Variants in PHF20 observed in about 807,000 individuals in gnomAD.
PHF20 encodes the protein glioma-expressed antigen 2.
PHF20 carries 23 observed loss-of-function variants against 113.5 expected under a neutral mutation model. The ratio of observed to expected loss-of-function variants is 0.20; its 90% CI spans 0.15 to 0.29. The LOEUF (loss-of-function observed/expected upper bound fraction) is 0.29, where lower values mean the gene tolerates loss of function less well. Among genes scored for constraint, PHF20 ranks in the 10% least tolerant of loss-of-function variants. The pLI is 1.00. For missense variants in PHF20, 943 were observed against 1,219.6 expected, an observed-to-expected ratio of 0.77 and a Z score of 3.38; for synonymous variants, 434 against 457.3, an observed-to-expected ratio of 0.95 and a Z score of 0.65.
intron 4 of PHF20, chr20:35,850,715 G>T: frequency 2.4e-6 from 1 of 424,844 alleles, no homozygotes; most frequent in Non-Finnish European, 4.4e-6. Flanking sequence ...TGCCAACAGG[G>T]GATGGGTTCC....
chr20:35,831,127 C>CCCTCCCTCCCTCTCTT (rs1568623838), intron 2 of PHF20, among the ~76,000 whole-genome samples: 1 of 151,150 alleles, frequency 6.6e-6, no homozygotes, highest in Non-Finnish European at 1.5e-5. Context: ...TTTCTTCCTT[C>CCCTCCCTCCCTCTCTT]CCTCCCTCCC....
At chr20:35,853,640 C>T (rs541591055) in intron 4 of PHF20, among the ~76,000 whole-genome samples, 1 of 152,248 alleles carries the variant, frequency 6.6e-6, no homozygotes, top group African/African-American at 2.4e-5. Flanking sequence ...TGCCTGTAGT[C>T]CCAGCCACTT....
At chr20:35,902,021 G>A (rs1057466701) in intron 10 of PHF20, among the ~76,000 whole-genome samples, 8 of 152,084 alleles carry the variant, frequency 5.3e-5, no homozygotes, top group African/African-American at 1.9e-4. Context: ...CCTGTTTCAA[G>A]GCCTGGTGTG....
chr20:35,786,499 C>T (rs6142444), intron 1 of PHF20, among the ~76,000 whole-genome samples: 112,801 of 152,054 alleles, frequency 0.74, 42,667 homozygotes, highest in East Asian at 0.82. Flanking sequence ...GCCAGGAGAT[C>T]GAGACTATGC....
At chr20:35,891,063 A>G (rs181833267) in intron 9 of PHF20, among the ~76,000 whole-genome samples, 55 of 152,318 alleles carry the variant, frequency 3.6e-4, no homozygotes, top group African/African-American at 1.3e-3. Flanking sequence ...CACTAACATA[A>G]GTAAGAGAAG....
chr20:35,888,444 A>G (rs2147031127), intron 9 of PHF20, among the ~76,000 whole-genome samples: 1 of 152,330 alleles, frequency 6.6e-6, no homozygotes, highest in East Asian at 1.9e-4. Context: ...CCTCCTAACA[A>G]TAATTTGTTA....
At chr20:35,809,286 A>G (rs1481420865) in intron 2 of PHF20, among the ~76,000 whole-genome samples, 1 of 151,722 alleles carries the variant, frequency 6.6e-6, no homozygotes, top group East Asian at 1.9e-4. Context: ...TAACATTTAA[A>G]AGATATTCTG....
At chr20:35,823,248 T>G (rs1204031332) in intron 2 of PHF20, among the ~76,000 whole-genome samples, 1 of 152,014 alleles carries the variant, frequency 6.6e-6, no homozygotes, top group Non-Finnish European at 1.5e-5. Flanking sequence ...TAAAATTCGC[T>G]CTTTTTCAGA....
intron 15 of PHF20, 115 bp from the exon 16 acceptor site, chr20:35,938,581 TG>T: frequency 1.0e-6 from 1 of 964,890 alleles, no homozygotes; most frequent in Non-Finnish European, 1.6e-6. Context: ...TGGTAGTGTG[TG>T]GTCAGATGGC....
chr20:35,799,084 A>G (rs17093097), intron 1 of PHF20, among the ~76,000 whole-genome samples: 7,274 of 152,094 alleles, frequency 0.048, 214 homozygotes, highest in African/African-American at 0.089. Context: ...TATTGCAAAG[A>G]AAGTGTTCTG....
chr20:35,815,338 G>C (rs2042053319), intron 2 of PHF20, among the ~76,000 whole-genome samples: 1 of 152,140 alleles, frequency 6.6e-6, no homozygotes, highest in Non-Finnish European at 1.5e-5. Context: ...GGCACTTTGA[G>C]AGGCTGAGGT....
At chr20:35,889,298 G>A (rs1281331947) in intron 9 of PHF20, among the ~76,000 whole-genome samples, 3 of 151,942 alleles carry the variant, frequency 2.0e-5, no homozygotes, top group African/African-American at 4.8e-5. Context: ...ATAGGCGTGA[G>A]CCACCGTGCC....
chr20:35,819,104 T>C (rs1373223375), intron 2 of PHF20, among the ~76,000 whole-genome samples: 1 of 152,090 alleles, frequency 6.6e-6, no homozygotes, highest in Non-Finnish European at 1.5e-5. Flanking sequence ...CTAATTTTTG[T>C]ATTTTTAGTA....
Position 35,881,061 on chromosome 20 carries a change from TTTTTTTTTTC to T in PHF20, c.1282+9234_1282+9243del, listed in dbSNP as rs1187207495. Among the ~76,000 whole-genome samples, 458 of 144,120 alleles carry T rather than the reference TTTTTTTTTTC, an allele frequency of 3.2e-3. 9 individuals are homozygous for T. The Middle Eastern group carries it at 0.049, about 15-fold the overall frequency. 94.5% of individuals were successfully genotyped at this position (144,120 alleles called of 152,430 possible). The stretch of plus-strand genomic sequence containing the variant: ...ATCTCTAAATACCTTTTTTTTTTTT[TTTTTTTTTTC>T]TGAGACGGAGTTTCTCGCTCTTGTC... On this transcript the variant is annotated intron_variant, in intron 9 of 17. Coordinates refer to ENST00000374012, the MANE Select transcript of PHF20 (RefSeq NM_016436.5).
chr20:35,780,489 G>A (rs2041269657), intron 1 of PHF20, among the ~76,000 whole-genome samples: 2 of 151,026 alleles, frequency 1.3e-5, no homozygotes, highest in African/African-American at 4.9e-5. Context: ...GCCTCCCAAA[G>A]TGCTAGGATT....
intron 2 of PHF20, among the ~76,000 whole-genome samples, chr20:35,818,030 T>C (rs2042106919): frequency 6.6e-6 from 1 of 152,060 alleles, no homozygotes; most frequent in South Asian, 2.1e-4. Context: ...ACACCTGTAA[T>C]CCCAGCACTT....
chr20:35,847,266 T>G (rs1353261792), intron 3 of PHF20, 84 bp from the exon 4 acceptor site: 5 of 845,492 alleles, frequency 5.9e-6, no homozygotes, highest in Non-Finnish European at 9.3e-6. Flanking sequence ...AATCCCAGCT[T>G]CTTTTATGAG....
rs536740444 is a variant in PHF20, at chr20:35,836,638, A to G, written c.84-5935A>G. ...GGCGGGCGGATCACGAGGTCAGGAG[A>G]TCGAGACCATCCTGGCTAACACGGT... On this transcript the variant is annotated intron_variant, in intron 2 of 17. Transcript: ENST00000374012. Among the ~76,000 whole-genome samples, 211 of 151,984 alleles carry G rather than the reference A, an allele frequency of 1.4e-3. 1 individual carries two copies. Among genetic ancestry groups the G allele is most frequent in the African/African-American group, 4.9e-3 (204 of 41,432 alleles).
intron 4 of PHF20, among the ~76,000 whole-genome samples, chr20:35,848,627 C>T (rs1025406654): frequency 3.3e-5 from 5 of 151,654 alleles, no homozygotes; most frequent in African/African-American, 7.3e-5. Flanking sequence ...GGGAGGCTCT[C>T]GTGGGAGGAT....
Sources: allele counts gnomAD v4.1 joint callset (sites outside exome capture counted in the v4.1 genomes callset), GRCh38; gene constraint gnomAD v4.1.1; transcripts MANE v1.5; gene names NCBI Gene and HGNC (gene_info 2026-07-23, HGNC 2026-07-21).